The following NUP58 variants were observed in gnomAD, a reference collection of about 807,000 sequenced individuals.
The protein encoded by NUP58 is nucleoporin p58/p45.
Under a neutral mutation model 70.1 loss-of-function variants are expected in NUP58, and 17 were observed. The ratio of observed to expected loss-of-function variants is 0.24; its 90% CI spans 0.17 to 0.36. The LOEUF (loss-of-function observed/expected upper bound fraction) is 0.36. Among genes scored for constraint, NUP58 ranks in the 10% least tolerant of loss-of-function variants. The pLI is 1.00. For missense variants in NUP58, 644 were observed against 701.5 expected (o/e 0.92, Z 0.93); for synonymous variants, 275 against 257.6 (o/e 1.07, Z -0.65).
chr13:25,304,480 A>T lies in NUP58; in HGVS notation c.107+2600A>T, dbSNP rs1410209679. On this transcript the variant is annotated intron_variant, in intron 1 of 15. Coordinates refer to ENST00000381736, the MANE Select transcript of NUP58 (RefSeq NM_014089.4). ...TGTCTTCAGTTATGTTGTCAAGATT[A>T]TATATATATATATATATATATATAT... Among the ~76,000 whole-genome samples the T allele has an allele frequency of 1.5e-3, 15 of 10,040 alleles. No individual in the cohort carries two copies. The Admixed American group carries it at 0.016, about 11-fold the overall frequency. The allele number at this position is 10,040 out of a possible 152,430, so 6.6% of individuals were successfully genotyped here. A position where few individuals can be genotyped will look rare whatever the true frequency, so the allele number is the denominator to read the frequency against.
Position 25,341,682 on chromosome 13 carries a change from AAAAG to A in NUP58, c.*1552_*1555del, listed in dbSNP as rs1277474656. ...AGTATTAGTGACATCAGGTGGATAT[AAAAG>A]AAAACCCTTGGAAAGAGAACTGCCT... is the stretch of plus-strand genomic sequence containing the variant. On this transcript the variant is annotated 3_prime_UTR_variant, in exon 16 of 16. Transcript: ENST00000381736. 1 of 152,660 alleles carries A rather than the reference AAAAG, an allele frequency of 6.6e-6. No homozygotes were observed. Among genetic ancestry groups the A allele is most frequent in the Non-Finnish European group, 1.5e-5 (1 of 68,030 alleles). The allele number at this position is 152,660 out of a possible 1,614,324, so 9.5% of individuals were successfully genotyped here. A position where few individuals can be genotyped will look rare whatever the true frequency, so the allele number is the denominator to read the frequency against.
chr13:25,327,617 A>G, intron 12 of NUP58, 105 bp downstream of exon 12: 3 of 643,926 alleles, frequency 4.7e-6, no homozygotes, highest in Non-Finnish European at 8.1e-6. Context: ...CTAAAATTAC[A>G]TATAAGTGAA....
In NUP58 at chr13:25,347,510, G is replaced by T. The variant is rs779686832; in HGVS notation, n.322-2052G>T. On this transcript the variant is annotated intron_variant and non_coding_transcript_variant, in intron 3 of 3. Coordinates refer to the NUP58 transcript ENST00000477876. Reference sequence around the variant, plus strand: ...GGGCCTCGGCTTGCCTCCTGAGCAGGGTTATAACCTCGATGTCTTTGTTAG... The same window carrying T: ...GGGCCTCGGCTTGCCTCCTGAGCAGTGTTATAACCTCGATGTCTTTGTTAG... 3.5e-4 allele frequency among the ~76,000 whole-genome samples: 53 copies of T among 152,232 alleles called. No homozygotes were observed. In the Middle Eastern group the frequency reaches 0.01, roughly 29 times the overall value.
intron 3 of NUP58, 60 bp from the exon 4 acceptor site, chr13:25,312,823 A>G: frequency 6.7e-7 from 1 of 1,499,744 alleles, no homozygotes; most frequent in Non-Finnish European, 9.0e-7. Context: ...GTATAATAGA[A>G]CACTTACAGG....
intron 9 of NUP58, among the ~76,000 whole-genome samples, chr13:25,322,449 C>G (rs1027566833): frequency 3.3e-5 from 5 of 152,166 alleles, no homozygotes; most frequent in African/African-American, 1.2e-4. Flanking sequence ...ACAGGTTGAG[C>G]ATCCCTAATC....
chr13:25,327,845 A>G (rs528245812), intron 12 of NUP58, among the ~76,000 whole-genome samples: 1 of 152,040 alleles, frequency 6.6e-6, no homozygotes, highest in Non-Finnish European at 1.5e-5. Context: ...TGTTTAACCC[A>G]TTTTCTGTTG....
chr13:25,311,213 G>A (rs896233511), intron 3 of NUP58, among the ~76,000 whole-genome samples: 21 of 151,996 alleles, frequency 1.4e-4, no homozygotes, highest in African/African-American at 4.6e-4. Flanking sequence ...TGGAAATGGT[G>A]GGCAGAGTTG....
rs773754555 is a variant in NUP58 at position 25,325,051 on chromosome 13, A to G, written c.1014A>G (p.Glu338=). 1 of 1,610,542 alleles carries G rather than the reference A, an allele frequency of 6.2e-7. No homozygotes were observed. Among genetic ancestry groups the G allele is most frequent in the Non-Finnish European group, 8.5e-7 (1 of 1,178,342 alleles). ...AGACACCACCTGGACTTCAACATGA[A>G]TATGCAGCTCCTGCTGAGTAAGTTG... ...TQKTPPGLQH[E]YAAPADYFRI... Residue 338 remains glutamate, a synonymous_variant, in exon 10 of 16, where the codon GAA becomes GAG. Coordinates refer to ENST00000381736, the MANE Select transcript of NUP58 (RefSeq NM_014089.4).
At chr13:25,326,549 A>G (rs539877358) in intron 10 of NUP58, among the ~76,000 whole-genome samples, 3 of 152,330 alleles carry the variant, frequency 2.0e-5, no homozygotes, top group Admixed American at 1.3e-4. Flanking sequence ...CTTCCAAAAT[A>G]GTAGTACAGA....
chr13:25,303,025 T>C (rs1350108362), intron 1 of NUP58: 1 of 456,286 alleles, frequency 2.2e-6, no homozygotes, highest in South Asian at 1.6e-5. Flanking sequence ...AGAGTCTTGC[T>C]CTCTTGATCC....
In NUP58 at chr13:25,340,275, T is replaced by C. The variant is rs967503825; in HGVS notation, c.*141T>C. On this transcript the variant is annotated 3_prime_UTR_variant, in exon 16 of 16. Transcript: ENST00000381736. The stretch of plus-strand genomic sequence containing the variant: ...TTTCCCTACTCTGGAATTTGAACTT[T>C]CTTCATGTTTGCCATACTGAACATC... The C allele has an allele frequency of 5.2e-5, 41 of 782,630 alleles. No individual in the cohort carries two copies. In the African/African-American group the frequency reaches 6.9e-4, roughly 13 times the overall value. The allele number at this position is 782,630 out of a possible 1,614,324, so 48.5% of individuals were successfully genotyped here.
chr13:25,349,728 T>C lies in NUP58; in HGVS notation n.488T>C, dbSNP rs531350002. ...ATCCCATTATTCAAGAAAAGCACAT[T>C]AAGCTTAGAGTAGGTTTGATCAAGA... On this transcript the variant is annotated non_coding_transcript_exon_variant, in exon 4 of 4. Transcript: ENST00000477876. The C allele has an allele frequency of 1.3e-4, 20 of 152,596 alleles. No homozygotes were observed. In the South Asian group the frequency reaches 4.1e-3, roughly 32 times the overall value. 9.5% of individuals were successfully genotyped at this position (152,596 alleles called of 1,614,324 possible). A position where few individuals can be genotyped will look rare whatever the true frequency, so the allele number is the denominator to read the frequency against.
chr13:25,333,421 C>T, intron 13 of NUP58: 2 of 985,372 alleles, frequency 2.0e-6, no homozygotes, highest in Non-Finnish European at 2.4e-6. Flanking sequence ...AATTGACTGC[C>T]TTCACTCTTC....
At chr13:25,303,246 A>G (rs569878969) in intron 1 of NUP58, 47 of 384,540 alleles carry the variant, frequency 1.2e-4, no homozygotes, top group East Asian at 7.1e-5. Flanking sequence ...AAAACTTACC[A>G]TAGTCTGCAA....
chr13:25,335,758 C>T, intron 13 of NUP58: 1 of 983,706 alleles, frequency 1.0e-6, no homozygotes, highest in Non-Finnish European at 1.2e-6. Flanking sequence ...ATATACAAAC[C>T]TCATTCTTCA....
intron 13 of NUP58, 79 bp downstream of exon 13, chr13:25,331,637 G>T: frequency 6.5e-7 from 1 of 1,529,796 alleles, no homozygotes; most frequent in Non-Finnish European, 8.8e-7. Context: ...TCTTCCATTT[G>T]TGTGAGCACT....
rs1566054872 is a variant in NUP58 at position 25,305,126 on chromosome 13, T to TG, written c.108-2676dup. Among the ~76,000 whole-genome samples, 154 of 111,752 alleles carry TG rather than the reference T, an allele frequency of 1.4e-3. 2 individuals carry two copies. Among genetic ancestry groups the TG allele is most frequent in the African/African-American group, 3.3e-3 (109 of 32,850 alleles). 73.3% of individuals were successfully genotyped at this position (111,752 alleles called of 152,430 possible). Reference sequence around the variant, plus strand: ...TTAAGACTAAATGTTTAAAGATCTGTGGGGTTTTTTTTTTTTTTTTTTTTT... The same window carrying TG: ...TTAAGACTAAATGTTTAAAGATCTGTGGGGGTTTTTTTTTTTTTTTTTTTTT... On this transcript the variant is annotated intron_variant, in intron 1 of 15. Transcript: ENST00000381736.
intron 3 of NUP58, among the ~76,000 whole-genome samples, chr13:25,348,930 C>T (rs2032078634): frequency 6.6e-6 from 1 of 152,190 alleles, no homozygotes; most frequent in Non-Finnish European, 1.5e-5. Context: ...ACCAGTCCCT[C>T]CTGACACTTT....
intron 1 of NUP58, among the ~76,000 whole-genome samples, chr13:25,304,490 A>ATATATATATG (rs1408736690): frequency 2.3e-5 from 2 of 87,606 alleles, no homozygotes; most frequent in African/African-American, 7.6e-5. Context: ...ATATATATAT[A>ATATATATATG]TATATATATA....
Sources: allele counts gnomAD v4.1 joint callset (sites outside exome capture counted in the v4.1 genomes callset), GRCh38; gene constraint gnomAD v4.1.1; transcripts MANE v1.5; gene names NCBI Gene and HGNC (gene_info 2026-07-23, HGNC 2026-07-21).